The following DCDC2C variants were observed in gnomAD, a reference collection of about 807,000 sequenced individuals.
DCDC2C encodes the protein doublecortin domain-containing protein 2C.
In DCDC2C, 44 loss-of-function variants were observed where a neutral mutation model predicts 45.0. The ratio of observed to expected loss-of-function variants is 0.98; its 90% CI spans 0.77 to 1.26. The LOEUF is 1.26. Among genes scored for constraint, DCDC2C ranks in the 50% most tolerant of loss-of-function variants. The pLI, the probability that DCDC2C is intolerant of heterozygous loss-of-function variation, is 0.00. For missense variants in DCDC2C, 447 were observed against 468.9 expected, an observed-to-expected ratio of 0.95 and a Z score of 0.43; for synonymous variants, 187 against 178.8, an observed-to-expected ratio of 1.05 and a Z score of -0.37.
intron 3 of DCDC2C, among the ~76,000 whole-genome samples, chr2:3,730,726 C>T (rs535001194): frequency 1.4e-4 from 22 of 152,276 alleles, no homozygotes; most frequent in East Asian, 3.9e-4. Flanking sequence ...GAAACACTTG[C>T]GCCTGGGTCG....
chr2:3,767,989 C>T, intron 7 of DCDC2C, 109 bp downstream of exon 7: 1 of 1,174,810 alleles, frequency 8.5e-7, no homozygotes, highest in Non-Finnish European at 1.1e-6. Flanking sequence ...TATTGTTTGA[C>T]TTGTAACTAT....
chr2:3,714,991 T>C (rs912290316), intron 2 of DCDC2C, among the ~76,000 whole-genome samples: 3 of 152,224 alleles, frequency 2.0e-5, no homozygotes, highest in Admixed American at 2.0e-4. Context: ...AAGAAAAACA[T>C]ATTCATAATC....
At chr2:3,838,938 GT>G (rs1309438757) in intron 10 of DCDC2C, among the ~76,000 whole-genome samples, 1 of 152,056 alleles carries the variant, frequency 6.6e-6, no homozygotes, top group Non-Finnish European at 1.5e-5. Context: ...ATTTATTTCT[GT>G]TTTTTGGTTT....
In DCDC2C at chr2:3,713,758, A is replaced by T. The variant is rs182487765; in HGVS notation, c.339+5158A>T. ...GGATTAGATCTGTAGGGATTGATCT[A>T]AAATGGTATCTGTCAGAATGTGAGC... On this transcript the variant is annotated intron_variant, in intron 2 of 10. Transcript: ENST00000399143. 2.5e-3 allele frequency among the ~76,000 whole-genome samples: 382 copies of T among 152,368 alleles called. 6 individuals are homozygous for T. Among genetic ancestry groups the T allele is most frequent in the African/African-American group, 8.8e-3 (367 of 41,582 alleles).
At position 3,847,798 on chromosome 2, in the gene DCDC2C, TAGTG is replaced by T. The variant is rs1468679932; in HGVS notation, c.*624_*627del. 4.6e-5 allele frequency among the ~76,000 whole-genome samples: 7 copies of T among 152,136 alleles called. No homozygotes were observed. The highest frequency in any genetic ancestry group is 1.4e-4 in the African/African-American group (6 of 41,420). On this transcript the variant is annotated 3_prime_UTR_variant, in exon 11 of 11. Transcript: ENST00000399143. ...GTCTTCCCCCTTGCTGTTCTCGTGA[TAGTG>T]AGTGAGTGCTCCCGAGATCCAGTTG...
Position 3,778,864 on chromosome 2 carries a change from C to G in DCDC2C, c.1003C>G (p.Pro335Ala), listed in dbSNP as rs1208364880. 6.4e-7 allele frequency: 1 copy of G among 1,550,830 alleles called. No homozygotes were observed. Among genetic ancestry groups the G allele is most frequent in the Non-Finnish European group, 8.7e-7 (1 of 1,147,074 alleles). Residue 335 changes from proline (P) to alanine (A), a missense_variant, in exon 9 of 11, where the codon CCT (proline) becomes GCT (alanine). By Grantham distance (27) the Pro-to-Ala change is conservative (BLOSUM62 -1). Coordinates refer to ENST00000399143, the MANE Select transcript of DCDC2C (RefSeq NM_001287444.2). ...AGATGAAGAGATACATGAGAACACCCCTGATTTTGAGGGCAACAAGGTGAG... is the reference window on the plus strand; with the variant it reads ...AGATGAAGAGATACATGAGAACACCGCTGATTTTGAGGGCAACAAGGTGAG... ...KEDEEIHENT[P>A]DFEGNKDKED... is the part of the protein sequence containing the mutation.
At chr2:3,787,797 T>C (rs1363293523) in intron 10 of DCDC2C, among the ~76,000 whole-genome samples, 1 of 152,232 alleles carries the variant, frequency 6.6e-6, no homozygotes, top group Non-Finnish European at 1.5e-5. Flanking sequence ...AAATTTACTT[T>C]TTGTGTAGAG....
intron 10 of DCDC2C, among the ~76,000 whole-genome samples, chr2:3,837,358 GT>G (rs1672107855): frequency 6.6e-6 from 1 of 152,196 alleles, no homozygotes; most frequent in Non-Finnish European, 1.5e-5. Flanking sequence ...AACAACAGAT[GT>G]TTCCTGTAGA....
At position 3,815,697 on chromosome 2, in the gene DCDC2C, G is replaced by A. The variant is rs182882705; in HGVS notation, c.1065+30597G>A. ...CCGTTTTATAGGATTTGGGTAGGTA[G>A]TGGAAAATTACAATCAAAGGAAGTT... On this transcript the variant is annotated intron_variant, in intron 10 of 10. Coordinates refer to ENST00000399143, the MANE Select transcript of DCDC2C (RefSeq NM_001287444.2). 5.6e-3 allele frequency among the ~76,000 whole-genome samples: 850 copies of A among 152,280 alleles called. 8 individuals are homozygous for A. The highest frequency in any genetic ancestry group is 0.019 in the African/African-American group (803 of 41,542).
chr2:3,759,496 CAG>C (rs1443846746), intron 6 of DCDC2C, among the ~76,000 whole-genome samples: 2 of 152,100 alleles, frequency 1.3e-5, no homozygotes, highest in Non-Finnish European at 2.9e-5. Flanking sequence ...TGGAGAATAA[CAG>C]AGAGTAATGT....
At chr2:3,764,924 A>G (rs1395984376) in intron 6 of DCDC2C, among the ~76,000 whole-genome samples, 1 of 152,238 alleles carries the variant, frequency 6.6e-6, no homozygotes, top group Non-Finnish European at 1.5e-5. Context: ...AGATGAAAAT[A>G]CTATATCAGA....
At chr2:3,782,070 C>T (rs1412896122) in intron 9 of DCDC2C, among the ~76,000 whole-genome samples, 1 of 152,016 alleles carries the variant, frequency 6.6e-6, no homozygotes, top group Non-Finnish European at 1.5e-5. Context: ...GGTTCCAACA[C>T]CTTTTCGTCC....
At chr2:3,756,483 G>T (rs1206570293) in intron 6 of DCDC2C, among the ~76,000 whole-genome samples, 5 of 152,088 alleles carry the variant, frequency 3.3e-5, no homozygotes, top group Non-Finnish European at 7.4e-5. Flanking sequence ...TTTCATGATT[G>T]CCATTTTAAT....
Position 3,818,166 on chromosome 2 carries a change from CA to C in DCDC2C, c.1066-28984del, listed in dbSNP as rs1671600018. Among the ~76,000 whole-genome samples the C allele has an allele frequency of 1.3e-5, 2 of 151,940 alleles. No individual in the cohort carries two copies. Among genetic ancestry groups the C allele is most frequent in the South Asian group, 2.1e-4 (1 of 4,812 alleles). Reference sequence around the variant, plus strand: ...GAGGGGCTATAAAGTAGAAGGTCATCAAAATATTTAATAAGATGAGAAGCAG... The same window carrying C: ...GAGGGGCTATAAAGTAGAAGGTCATCAAATATTTAATAAGATGAGAAGCAG... On this transcript the variant is annotated intron_variant, in intron 10 of 10. Coordinates refer to ENST00000399143, the MANE Select transcript of DCDC2C (RefSeq NM_001287444.2). This position sits in a 1 kb window ranked among gnomAD's most constrained non-coding sequence, Gnocchi z 4.7.
chr2:3,819,290 T>C (rs557783184), intron 10 of DCDC2C, among the ~76,000 whole-genome samples: 1 of 152,334 alleles, frequency 6.6e-6, no homozygotes, highest in Admixed American at 6.5e-5. Flanking sequence ...CCTGCACAGA[T>C]GGGACGTGGC....
chr2:3,828,702 G>A (rs1406050643), intron 10 of DCDC2C, among the ~76,000 whole-genome samples: 1 of 152,194 alleles, frequency 6.6e-6, no homozygotes, highest in Non-Finnish European at 1.5e-5. Flanking sequence ...GCTTATGGCT[G>A]TTAGTGGCCA....
intron 3 of DCDC2C, among the ~76,000 whole-genome samples, chr2:3,731,598 C>T (rs1296763060): frequency 2.6e-5 from 4 of 152,180 alleles, no homozygotes; most frequent in South Asian, 2.1e-4. Flanking sequence ...CCAGCAATTC[C>T]ATTTGCCTGA....
In DCDC2C at chr2:3,704,175, C is replaced by G. The variant is rs556292470; in HGVS notation, c.287+137C>G. The G allele has an allele frequency of 3.9e-5, 33 of 855,032 alleles. No individual in the cohort carries two copies. In the South Asian group the frequency reaches 1.1e-3, roughly 29 times the overall value. 53.0% of individuals were successfully genotyped at this position (855,032 alleles called of 1,614,324 possible). A position where few individuals can be genotyped will look rare whatever the true frequency, so the allele number is the denominator to read the frequency against. On this transcript the variant is annotated intron_variant, in intron 1 of 10. Transcript: ENST00000399143. Reference sequence around the variant, plus strand: ...CGGGCGCCCATCTTTCGGCGTGGATCCAGCGCAGCCGGCGTCGGGCCGCCC... The same window carrying G: ...CGGGCGCCCATCTTTCGGCGTGGATGCAGCGCAGCCGGCGTCGGGCCGCCC...
At chr2:3,723,385 C>T (rs1479768809) in intron 2 of DCDC2C, among the ~76,000 whole-genome samples, 1 of 152,186 alleles carries the variant, frequency 6.6e-6, no homozygotes, top group African/African-American at 2.4e-5. Context: ...GTCGAAGTGA[C>T]TTCTTAAAGT....
Sources: allele counts gnomAD v4.1 joint callset (sites outside exome capture counted in the v4.1 genomes callset), GRCh38; gene constraint gnomAD v4.1.1; non-coding constraint Gnocchi (gnomAD v3.1); transcripts MANE v1.5; gene names NCBI Gene and HGNC (gene_info 2026-07-23, HGNC 2026-07-21).